KNCN: variants seen among roughly 807,000 people sequenced by gnomAD.
KNCN encodes the protein kinocilin.
Under a neutral mutation model 10.4 loss-of-function variants are expected in KNCN, and 11 were observed. That is an observed-to-expected ratio of 1.06 (90% CI 0.67 to 1.75). KNCN has a LOEUF of 1.75. Among genes scored for constraint, KNCN ranks in the 40% most tolerant of loss-of-function variants. The pLI, the probability that KNCN is intolerant of heterozygous loss-of-function variation, is 0.00. For synonymous variants in KNCN, 67 were observed against 71.6 expected, an observed-to-expected ratio of 0.94 and a Z score of 0.33; for missense variants, 172 against 167.1, an observed-to-expected ratio of 1.03 and a Z score of -0.16.
At chr1:46,549,109 C>G in intron 3 of KNCN, 84 bp downstream of exon 3, 1 of 1,086,212 alleles carries the variant, frequency 9.2e-7, no homozygotes, top group Non-Finnish European at 1.3e-6. Flanking sequence ...CCATTGCACT[C>G]CAGCCTGGGC....
chr1:46,551,321 G>C lies in KNCN; in HGVS notation c.-106C>G, dbSNP rs932072031. ...TCTCCTTGTTGGCGCTCCAACTTCA[G>C]GGTAGGAGTTTCTGGGCAGTAAGAT... On this transcript the variant is annotated 5_prime_UTR_variant, in exon 1 of 4. Transcript: ENST00000481882. This position sits in a 1 kb window ranked among gnomAD's most constrained non-coding sequence, Gnocchi z 4.0. The C allele has an allele frequency of 9.0e-6, 12 of 1,334,540 alleles. No individual in the cohort carries two copies. The highest frequency in any genetic ancestry group is 1.2e-5 in the Non-Finnish European group (12 of 974,172). 82.7% of individuals were successfully genotyped at this position (1,334,540 alleles called of 1,614,324 possible). A position where few individuals can be genotyped will look rare whatever the true frequency, so the allele number is the denominator to read the frequency against.
intron 2 of KNCN, 68 bp downstream of exon 2, chr1:46,549,866 A>G: frequency 6.5e-7 from 1 of 1,549,928 alleles, no homozygotes; most frequent in Non-Finnish European, 8.7e-7. Context: ...TGGGTCACAG[A>G]CGAGCACACA....
chr1:46,549,525 G>A (rs894699313), intron 2 of KNCN, among the ~76,000 whole-genome samples: 4 of 152,160 alleles, frequency 2.6e-5, no homozygotes, highest in African/African-American at 9.7e-5. Context: ...AAGCCCCATA[G>A]GATTGGTGGA....
Position 46,547,736 on chromosome 1 carries a change from T to C in KNCN, c.369A>G (p.Glu123=). The part of the protein sequence containing the change: ...KLKPGTRGAE[E]C ...CAGCCGCTCAGACTTTGCCTCAGCA[T>C]TCCTCAGCCCCCCGGGTCCCCGGCT... The change falls in exon 4 of 4, where the codon GAA becomes GAG. Residue 123 remains glutamate (E), a synonymous_variant. Coordinates refer to ENST00000481882, the MANE Select transcript of KNCN (RefSeq NM_001322255.2). 3.3e-6 allele frequency: 5 copies of C among 1,499,734 alleles called. No individual in the cohort carries two copies. Among genetic ancestry groups the C allele is most frequent in the Non-Finnish European group, 4.4e-6 (5 of 1,123,730 alleles). The allele number at this position is 1,499,734 out of a possible 1,614,324, so 92.9% of individuals were successfully genotyped here. A position where few individuals can be genotyped will look rare whatever the true frequency, so the allele number is the denominator to read the frequency against.
At chr1:46,549,502 C>T (rs151054481) in intron 2 of KNCN, among the ~76,000 whole-genome samples, 1 of 152,180 alleles carries the variant, frequency 6.6e-6, no homozygotes, top group African/African-American at 2.4e-5. Flanking sequence ...CCGGGGAGAA[C>T]TGGGGCCATG....
chr1:46,548,524 T>TG (rs1051040428), intron 3 of KNCN, among the ~76,000 whole-genome samples: 6 of 151,920 alleles, frequency 3.9e-5, no homozygotes, highest in African/African-American at 1.5e-4. Flanking sequence ...AACCCCAGCT[T>TG]GGGTCCCTTT....
chr1:46,550,882 C>T (rs1460914651), intron 1 of KNCN, among the ~76,000 whole-genome samples, 183 bp downstream of exon 1: 1 of 152,094 alleles, frequency 6.6e-6, no homozygotes, highest in African/African-American at 2.4e-5. Context: ...CTGGAAGGAG[C>T]CCCAGCGCGT....
chr1:46,547,499 C>T lies in KNCN; in HGVS notation c.*231G>A, dbSNP rs1402689271. 2.7e-5 allele frequency: 19 copies of T among 694,880 alleles called. No homozygotes were observed. The highest frequency in any genetic ancestry group is 4.5e-5 in the South Asian group (3 of 66,688). 43.0% of individuals were successfully genotyped at this position (694,880 alleles called of 1,614,324 possible). A position where few individuals can be genotyped will look rare whatever the true frequency, so the allele number is the denominator to read the frequency against. On this transcript the variant is annotated 3_prime_UTR_variant, in exon 4 of 4. Transcript: ENST00000481882. Reference sequence around the variant, plus strand: ...CTGAAACATGGGAACCCTGTGGGGGCGTCCGGCGACACCTTGCTCCAGGTC... The same window carrying T: ...CTGAAACATGGGAACCCTGTGGGGGTGTCCGGCGACACCTTGCTCCAGGTC...
At chr1:46,548,549 CT>C (rs1401732781) in intron 3 of KNCN, among the ~76,000 whole-genome samples, 3 of 151,842 alleles carry the variant, frequency 2.0e-5, no homozygotes, top group African/African-American at 7.3e-5. Flanking sequence ...TCCTCTGACC[CT>C]GGGAGAGATG....
chr1:46,547,316 G>A lies in KNCN; in HGVS notation c.*414C>T, dbSNP rs1666962963. 2.2e-6 allele frequency: 1 copy of A among 455,600 alleles called. No individual in the cohort carries two copies. The highest frequency in any genetic ancestry group is 2.0e-5 in the African/African-American group (1 of 50,172). 28.2% of individuals were successfully genotyped at this position (455,600 alleles called of 1,614,324 possible). On this transcript the variant is annotated 3_prime_UTR_variant, in exon 4 of 4. Coordinates refer to ENST00000481882, the MANE Select transcript of KNCN (RefSeq NM_001322255.2). ...AGGGTCCCTGTCTGTGGTTCTTGTG[G>A]GCCTGTGGTTCACTTCTGTAGCCGG... is the stretch of plus-strand genomic sequence containing the variant.
rs767651544 is a variant in KNCN, at chr1:46,551,172, A to C, written c.44T>G (p.Leu15Arg). ...ISSRDFRGLQ[L>R]ACVALGLVAG... is the part of the protein sequence containing the mutation. ...CACCAGCCCGAGAGCCACGCAGGCC[A>C]GCTGCAGGCCGCGGAAGTCTCTGCT... Residue 15 changes from leucine to arginine, a missense_variant, in exon 1 of 4, where the codon CTG (leucine) becomes CGG (arginine). Physicochemically the swap from Leu to Arg is moderately radical, Grantham distance 102. Transcript: ENST00000481882. The surrounding 1 kb of genome is among the most constrained non-coding windows in gnomAD (Gnocchi z 4.0). 12 of 1,610,722 alleles carry C rather than the reference A, an allele frequency of 7.5e-6. No individual in the cohort carries two copies. The highest frequency in any genetic ancestry group is 9.3e-6 in the Non-Finnish European group (11 of 1,178,548).
At chr1:46,549,165 G>A (rs1186562562) in intron 3 of KNCN, 28 bp downstream of exon 3, 2 of 1,395,032 alleles carry the variant, frequency 1.4e-6, no homozygotes, top group Non-Finnish European at 2.0e-6. Flanking sequence ...AAAAAAGAAG[G>A]ATGGACTCGG....
At chr1:46,550,888 C>A (rs949732919) in intron 1 of KNCN, among the ~76,000 whole-genome samples, 177 bp downstream of exon 1, 2 of 152,128 alleles carry the variant, frequency 1.3e-5, no homozygotes, top group African/African-American at 2.4e-5. Context: ...GGAGCCCCAG[C>A]GCGTCGCTCC....
chr1:46,550,465 C>T (rs1180145947), intron 1 of KNCN, among the ~76,000 whole-genome samples: 4 of 151,620 alleles, frequency 2.6e-5, no homozygotes, highest in East Asian at 2.0e-4. Flanking sequence ...TGCCAGAACC[C>T]GCAGGTGTAG....
rs1667063298 is a variant in KNCN at position 46,551,352 on chromosome 1, G to A, written c.-137C>T. 1.9e-5 allele frequency: 18 copies of A among 936,814 alleles called. No individual in the cohort carries two copies. In the South Asian group the frequency reaches 2.5e-4, roughly 13 times the overall value. 58.0% of individuals were successfully genotyped at this position (936,814 alleles called of 1,614,324 possible). Reference sequence around the variant, plus strand: ...GAGTTTCTGGGCAGTAAGATGATAGGTGGGGAACCCTGGGATTTATCTGCA... The same window carrying A: ...GAGTTTCTGGGCAGTAAGATGATAGATGGGGAACCCTGGGATTTATCTGCA... On this transcript the variant is annotated 5_prime_UTR_variant, in exon 1 of 4. Coordinates refer to ENST00000481882, the MANE Select transcript of KNCN (RefSeq NM_001322255.2). The surrounding 1 kb of genome is among the most constrained non-coding windows in gnomAD (Gnocchi z 4.0).
rs761772903 is a variant in KNCN at position 46,551,226 on chromosome 1, C to T, written c.-11G>A. 59 of 1,601,712 alleles carry T rather than the reference C, an allele frequency of 3.7e-5. No individual in the cohort carries two copies. Among genetic ancestry groups the T allele is most frequent in the Non-Finnish European group, 4.9e-5 (58 of 1,175,026 alleles). On this transcript the variant is annotated 5_prime_UTR_variant, in exon 1 of 4. Transcript: ENST00000481882. This position sits in a 1 kb window ranked among gnomAD's most constrained non-coding sequence, Gnocchi z 4.0. The stretch of plus-strand genomic sequence containing the variant: ...GATGGGGATGTCCATGCAGGCCCAC[C>T]CGGGGCACTGCCTCCAGCCGGTGCA...
chr1:46,549,403 G>A, intron 2 of KNCN, 136 bp from the exon 3 acceptor site: 1 of 633,346 alleles, frequency 1.6e-6, no homozygotes, highest in Non-Finnish European at 2.7e-6. Flanking sequence ...ATTCCTTTAG[G>A]TCTCACATGA....
rs1666954973 is a variant in KNCN at position 46,546,918 on chromosome 1, G to C, written c.*812C>G. The C allele has an allele frequency of 6.4e-6, 1 of 157,012 alleles. No homozygotes were observed. Among genetic ancestry groups the C allele is most frequent in the African/African-American group, 2.4e-5 (1 of 41,454 alleles). 9.7% of individuals were successfully genotyped at this position (157,012 alleles called of 1,614,324 possible). A position where few individuals can be genotyped will look rare whatever the true frequency, so the allele number is the denominator to read the frequency against. On this transcript the variant is annotated 3_prime_UTR_variant, in exon 4 of 4. Transcript: ENST00000481882. ...TTAAAAGTGGGGTGTTTGATAGGCA[G>C]ACAGAAGCAGGGAGGGTGCTGGAGA...
rs1015780271 is a variant in KNCN at position 46,547,154 on chromosome 1, C to T, written c.*576G>A. Reference sequence around the variant, plus strand: ...TGTCCCTTTGTGAGCCCCCCAAATTCCCCCATCTGATTCACTGCTGCTCAG... The same window carrying T: ...TGTCCCTTTGTGAGCCCCCCAAATTTCCCCATCTGATTCACTGCTGCTCAG... On this transcript the variant is annotated 3_prime_UTR_variant, in exon 4 of 4. Transcript: ENST00000481882. The T allele has an allele frequency of 2.9e-6, 1 of 344,362 alleles. No homozygotes were observed. The allele number at this position is 344,362 out of a possible 1,614,324, so 21.3% of individuals were successfully genotyped here.
Sources: gnomAD v4.1 joint callset for allele counts (sites outside exome capture counted in the v4.1 genomes callset) on GRCh38, gnomAD v4.1.1 for gene constraint, Gnocchi (gnomAD v3.1) non-coding constraint, MANE v1.5 for transcripts, NCBI Gene and HGNC (gene_info 2026-07-23, HGNC 2026-07-21) for gene names.